Variants in DVL3 observed in about 807,000 individuals in gnomAD.
DVL3 encodes the protein segment polarity protein dishevelled homolog DVL-3.
In DVL3, 27 loss-of-function variants were observed where a neutral mutation model predicts 67.4. The ratio of observed to expected loss-of-function variants is 0.40; its 90% confidence interval spans 0.30 to 0.55. The LOEUF (loss-of-function observed/expected upper bound fraction) is 0.55. DVL3 is among the 20% of genes least tolerant of loss of function. DVL3 has a pLI of 0.46. For synonymous variants in DVL3, 369 were observed against 396.8 expected (o/e 0.93, Z 0.83); for missense variants, 819 against 1,021.5 (o/e 0.80, Z 2.70).
In DVL3 at chr3:184,164,637, C is replaced by A; in HGVS notation, c.463+36C>A. ...CTGAACACGGACACTGTCCGCACCT[C>A]ACACCCTCCCCTCACTTTCCACCCA... On this transcript the variant is annotated intron_variant, in intron 4 of 14. Transcript: ENST00000313143. The surrounding 1 kb of genome is among the most constrained non-coding windows in gnomAD (Gnocchi z 5.3). 1 of 1,550,336 alleles carries A rather than the reference C, an allele frequency of 6.5e-7. No homozygotes were observed. The highest frequency in any genetic ancestry group is 1.2e-5 in the South Asian group (1 of 80,860).
Position 184,165,526 on chromosome 3 carries a change from C to CT in DVL3, c.763+36dup. ...AGGAAACAGCACTCTCAAGCACCTG[C>CT]TATATGCCAGACACTGGGCAGACTT... On this transcript the variant is annotated intron_variant, in intron 7 of 14. Coordinates refer to ENST00000313143, the MANE Select transcript of DVL3 (RefSeq NM_004423.4). This position sits in a 1 kb window ranked among gnomAD's most constrained non-coding sequence, Gnocchi z 4.1. The CT allele has an allele frequency of 4.4e-6, 7 of 1,584,386 alleles. No individual in the cohort carries two copies. The highest frequency in any genetic ancestry group is 6.1e-6 in the Non-Finnish European group (7 of 1,153,144).
intron 1 of DVL3, among the ~76,000 whole-genome samples, chr3:184,156,101 C>G (rs967353467): frequency 6.6e-6 from 1 of 152,100 alleles, no homozygotes; most frequent in African/African-American, 2.4e-5. Flanking sequence ...ACAGACACAC[C>G]CCCCCTCCAC....
chr3:184,170,971 C>T lies in DVL3; in HGVS notation c.*216C>T. 4 of 1,520,132 alleles carry T rather than the reference C, an allele frequency of 2.6e-6. No individual in the cohort carries two copies. The highest frequency in any genetic ancestry group is 1.8e-6 in the Non-Finnish European group (2 of 1,136,180). The allele number at this position is 1,520,132 out of a possible 1,614,324, so 94.2% of individuals were successfully genotyped here. On this transcript the variant is annotated 3_prime_UTR_variant, in exon 15 of 15. Transcript: ENST00000313143. The surrounding 1 kb of genome is among the most constrained non-coding windows in gnomAD (Gnocchi z 6.5). Reference sequence around the variant, plus strand: ...ACCTGCCTCTGGCCCCAGTTCGTTTCCTCTGCCCACTAATCCCTGCGCAGG... The same window carrying T: ...ACCTGCCTCTGGCCCCAGTTCGTTTTCTCTGCCCACTAATCCCTGCGCAGG...
chr3:184,165,293 C>T lies in DVL3; in HGVS notation c.693+87C>T. ...CCAAGGCTTGTTCTTCCTTAGATCC[C>T]ATCCCCCTAGTGCAGTGTTGAGAAC... On this transcript the variant is annotated intron_variant, in intron 6 of 14. Coordinates refer to ENST00000313143, the MANE Select transcript of DVL3 (RefSeq NM_004423.4). The surrounding 1 kb of genome is among the most constrained non-coding windows in gnomAD (Gnocchi z 4.1). The T allele has an allele frequency of 1.3e-6, 2 of 1,533,064 alleles. No homozygotes were observed. 95.0% of individuals were successfully genotyped at this position (1,533,064 alleles called of 1,614,324 possible). A position where few individuals can be genotyped will look rare whatever the true frequency, so the allele number is the denominator to read the frequency against.
At chr3:184,156,289 T>A (rs937612427) in intron 1 of DVL3, 4 of 455,472 alleles carry the variant, frequency 8.8e-6, no homozygotes, top group Non-Finnish European at 1.8e-5. Context: ...GACTTTGAGC[T>A]GGGGGAGGGG....
chr3:184,160,385 T>G (rs559579880), intron 1 of DVL3, among the ~76,000 whole-genome samples: 2 of 152,346 alleles, frequency 1.3e-5, no homozygotes, highest in East Asian at 3.8e-4. Flanking sequence ...TTTTACTGTA[T>G]GCCTGGATCA....
rs1714827301 is a variant in DVL3, at chr3:184,171,261, C to T, written c.*506C>T. The stretch of plus-strand genomic sequence containing the variant: ...AACCAAAATATATTTGCTTCATCTG[C>T]CCCTACTAACCATCCCCCTGCCTGC... On this transcript the variant is annotated 3_prime_UTR_variant, in exon 15 of 15. Coordinates refer to ENST00000313143, the MANE Select transcript of DVL3 (RefSeq NM_004423.4). 9.5e-6 allele frequency: 10 copies of T among 1,050,082 alleles called. No homozygotes were observed. Among genetic ancestry groups the T allele is most frequent in the South Asian group, 8.8e-5 (3 of 34,244 alleles). The allele number at this position is 1,050,082 out of a possible 1,614,324, so 65.0% of individuals were successfully genotyped here.
rs1156831803 is a variant in DVL3, at chr3:184,163,476, G to A, written c.162-181G>A. Among the ~76,000 whole-genome samples, 1 of 152,180 alleles carries A rather than the reference G, an allele frequency of 6.6e-6. No individual in the cohort carries two copies. Among genetic ancestry groups the A allele is most frequent in the African/African-American group, 2.4e-5 (1 of 41,450 alleles). ...GGTATCTGGCCTAGGCAGGGCTGGT[G>A]TCTTCCTGGTGGTGCCAAAGAGCTG... On this transcript the variant is annotated intron_variant, in intron 1 of 14. Coordinates refer to ENST00000313143, the MANE Select transcript of DVL3 (RefSeq NM_004423.4). The surrounding 1 kb of genome is among the most constrained non-coding windows in gnomAD (Gnocchi z 4.5).
In DVL3 at chr3:184,166,104, G is replaced by A. The variant is rs918909756; in HGVS notation, c.764-22G>A. ...GGGTAGGAACCTTGCTCCCCCTTAAGGTCTTAAATTACTCTCTATAGAAAA... is the reference window on the plus strand; with the variant it reads ...GGGTAGGAACCTTGCTCCCCCTTAAAGTCTTAAATTACTCTCTATAGAAAA... On this transcript the variant is annotated intron_variant, in intron 7 of 14. Transcript: ENST00000313143. The surrounding 1 kb of genome is among the most constrained non-coding windows in gnomAD (Gnocchi z 6.7). 6.2e-7 allele frequency: 1 copy of A among 1,610,464 alleles called. No homozygotes were observed. The highest frequency in any genetic ancestry group is 1.3e-5 in the African/African-American group (1 of 74,750).
At position 184,165,273 on chromosome 3, in the gene DVL3, G is replaced by T; in HGVS notation, c.693+67G>T. 1.3e-6 allele frequency: 2 copies of T among 1,550,186 alleles called. No homozygotes were observed. Among genetic ancestry groups the T allele is most frequent in the Non-Finnish European group, 1.8e-6 (2 of 1,140,048 alleles). On this transcript the variant is annotated intron_variant, in intron 6 of 14. Coordinates refer to ENST00000313143, the MANE Select transcript of DVL3 (RefSeq NM_004423.4). The surrounding 1 kb of genome is among the most constrained non-coding windows in gnomAD (Gnocchi z 4.1). ...TGAGCCCTTCCTACGCAGGGCCAAG[G>T]CTTGTTCTTCCTTAGATCCCATCCC...
Position 184,164,364 on chromosome 3 carries a change from G to T in DVL3, c.329G>T (p.Gly110Val), listed in dbSNP as rs1172691123. Residue 110 changes from glycine to valine, a missense_variant, in exon 3 of 15, where the codon GGG (glycine) becomes GTG (valine). Physicochemically the swap from Gly to Val is moderately radical, Grantham distance 109. Around this residue, in one of 3 missense-constraint regions of DVL3, gnomAD observed 385 missense variants for 486.8 expected, o/e 0.79. Coordinates refer to ENST00000313143, the MANE Select transcript of DVL3 (RefSeq NM_004423.4). This position sits in a 1 kb window ranked among gnomAD's most constrained non-coding sequence, Gnocchi z 5.3. ...PPPMERTGGI[G>V]DSRPPSFHPH... ...CCTATGGAGCGCACGGGAGGCATCG[G>T]GGACTCCCGACCCCCATCCTTCCAG... 1.9e-6 allele frequency: 3 copies of T among 1,614,014 alleles called. No homozygotes were observed. Among genetic ancestry groups the T allele is most frequent in the Non-Finnish European group, 2.5e-6 (3 of 1,179,960 alleles).
rs1389544820 is a variant in DVL3, at chr3:184,172,266, AT to A, written c.*1513del. 3.3e-5 allele frequency: 5 copies of A among 152,188 alleles called. No homozygotes were observed. Among genetic ancestry groups the A allele is most frequent in the African/African-American group, 1.2e-4 (5 of 41,424 alleles). The allele number at this position is 152,188 out of a possible 1,614,324, so 9.4% of individuals were successfully genotyped here. On this transcript the variant is annotated 3_prime_UTR_variant, in exon 15 of 15. Transcript: ENST00000313143. Reference sequence around the variant, plus strand: ...AGTACCAGGTTTTATTTTTCACCTTATTCTCTACTTTAAACAAATCATAACT... The same window carrying A: ...AGTACCAGGTTTTATTTTTCACCTTATCTCTACTTTAAACAAATCATAACT...
At position 184,173,463 on chromosome 3, in the gene DVL3, C is replaced by T. The variant is rs1174918649; in HGVS notation, c.*2708C>T. 1 of 152,136 alleles carries T rather than the reference C, an allele frequency of 6.6e-6. No homozygotes were observed. The highest frequency in any genetic ancestry group is 2.4e-5 in the African/African-American group (1 of 41,422). 9.4% of individuals were successfully genotyped at this position (152,136 alleles called of 1,614,324 possible). A position where few individuals can be genotyped will look rare whatever the true frequency, so the allele number is the denominator to read the frequency against. On this transcript the variant is annotated 3_prime_UTR_variant, in exon 15 of 15. Coordinates refer to ENST00000313143, the MANE Select transcript of DVL3 (RefSeq NM_004423.4). ...AGAGTTATTTAACCTCTCTGAGCCT[C>T]AGTTCCCTCGTATGTAAAATGATGA...
chr3:184,171,688 A>G lies in DVL3; in HGVS notation c.*933A>G, dbSNP rs756048405. The G allele has an allele frequency of 1.6e-5, 12 of 752,370 alleles. No homozygotes were observed. The highest frequency in any genetic ancestry group is 1.8e-5 in the Non-Finnish European group (11 of 616,646). 46.6% of individuals were successfully genotyped at this position (752,370 alleles called of 1,614,324 possible). A position where few individuals can be genotyped will look rare whatever the true frequency, so the allele number is the denominator to read the frequency against. The stretch of plus-strand genomic sequence containing the variant: ...GGCTTCCCAAGGATGTCCAGCCCCC[A>G]CACCCACACGTTAACATAATGAGTC... On this transcript the variant is annotated 3_prime_UTR_variant, in exon 15 of 15. Transcript: ENST00000313143.
intron 13 of DVL3, 63 bp from the exon 14 acceptor site, chr3:184,169,943 C>A: frequency 6.9e-7 from 1 of 1,446,926 alleles, no homozygotes; most frequent in Non-Finnish European, 9.4e-7. Flanking sequence ...CAGAGCCCAC[C>A]TGACCTAGGC....
chr3:184,168,076 C>T lies in DVL3; in HGVS notation c.1498+11C>T. 1 of 1,609,330 alleles carries T rather than the reference C, an allele frequency of 6.2e-7. No individual in the cohort carries two copies. The highest frequency in any genetic ancestry group is 2.2e-5 in the East Asian group (1 of 44,738). On this transcript the variant is annotated intron_variant, in intron 13 of 14. Coordinates refer to ENST00000313143, the MANE Select transcript of DVL3 (RefSeq NM_004423.4). ...GTGACCTCTGCGGCAGTATGTGCCTCCCTCATCTTCTTGCCCTGTCTCCTG... is the reference window on the plus strand; with the variant it reads ...GTGACCTCTGCGGCAGTATGTGCCTTCCTCATCTTCTTGCCCTGTCTCCTG...
At chr3:184,156,356 C>G (rs1406902434) in intron 1 of DVL3, 1 of 456,664 alleles carries the variant, frequency 2.2e-6, no homozygotes, top group Admixed American at 2.3e-5. Flanking sequence ...TGATGTTTAT[C>G]TAGCTGCCTG....
chr3:184,170,992 G>A lies in DVL3; in HGVS notation c.*237G>A, dbSNP rs78433447. The stretch of plus-strand genomic sequence containing the variant: ...GTTTCCTCTGCCCACTAATCCCTGC[G>A]CAGGACTTCCCAGGACCCCTTTTGT... On this transcript the variant is annotated 3_prime_UTR_variant, in exon 15 of 15. Coordinates refer to ENST00000313143, the MANE Select transcript of DVL3 (RefSeq NM_004423.4). This position sits in a 1 kb window ranked among gnomAD's most constrained non-coding sequence, Gnocchi z 6.5. 1,714 of 1,491,106 alleles carry A rather than the reference G, an allele frequency of 1.1e-3. 16 individuals carry two copies. The East Asian group carries it at 0.022, about 19-fold the overall frequency. The allele number at this position is 1,491,106 out of a possible 1,614,324, so 92.4% of individuals were successfully genotyped here.
rs1458810931 is a variant in DVL3 at position 184,163,934 on chromosome 3, AAC to A, written c.231+214_231+215del. ...GGAAGGGGGAAGAGGGAGAGACGGA[AAC>A]ACACAGTGGAGACAGTAACGTTTCC... On this transcript the variant is annotated intron_variant, in intron 2 of 14. Coordinates refer to ENST00000313143, the MANE Select transcript of DVL3 (RefSeq NM_004423.4). This position sits in a 1 kb window ranked among gnomAD's most constrained non-coding sequence, Gnocchi z 4.5. 6.6e-6 allele frequency among the ~76,000 whole-genome samples: 1 copy of A among 152,150 alleles called. No individual in the cohort carries two copies. The highest frequency in any genetic ancestry group is 1.5e-5 in the Non-Finnish European group (1 of 68,018).
Sources: allele counts gnomAD v4.1 joint callset (sites outside exome capture counted in the v4.1 genomes callset), GRCh38; gene constraint gnomAD v4.1.1; regional missense constraint gnomAD v4.1.1; non-coding constraint Gnocchi (gnomAD v3.1); transcripts MANE v1.5; gene names NCBI Gene and HGNC (gene_info 2026-07-23, HGNC 2026-07-21).